The following LCLAT1 variants were observed in gnomAD, a reference collection of about 807,000 sequenced individuals.
The protein encoded by LCLAT1 is lysocardiolipin acyltransferase 1, also known as 1-AGP acyltransferase 8.
Under a neutral mutation model 30.7 loss-of-function variants are expected in LCLAT1, and 11 were observed. That is an observed-to-expected ratio of 0.36 (90% CI 0.23 to 0.59). The LOEUF (loss-of-function observed/expected upper bound fraction) is 0.59. LCLAT1 is among the 20% of genes least tolerant of loss of function. LCLAT1 has a pLI of 0.77. For synonymous variants in LCLAT1, 155 were observed against 151.3 expected, an observed-to-expected ratio of 1.02 and a Z score of -0.18; for missense variants, 402 against 458.6, an observed-to-expected ratio of 0.88 and a Z score of 1.13.
At chr2:30,470,199 A>G (rs544679019) in intron 1 of LCLAT1, among the ~76,000 whole-genome samples, 1 of 152,268 alleles carries the variant, frequency 6.6e-6, no homozygotes, top group African/African-American at 2.4e-5. Context: ...AGGTCTGAAA[A>G]ATACCTCAAG....
rs1262161414 is a variant in LCLAT1, at chr2:30,493,379, AC to A, written c.-4-32207del. Among the ~76,000 whole-genome samples the A allele has an allele frequency of 5.9e-5, 9 of 152,262 alleles. No homozygotes were observed. The East Asian group carries it at 1.7e-3, about 29-fold the overall frequency. The stretch of plus-strand genomic sequence containing the variant: ...ATTGGCAACTGTTTCATGAGAATGT[AC>A]ATAAAAAACTGAACAATCAAAGGAC... On this transcript the variant is annotated intron_variant, in intron 1 of 5. Transcript: ENST00000379509.
intron 5 of LCLAT1, among the ~76,000 whole-genome samples, chr2:30,583,645 A>C: frequency 6.6e-6 from 1 of 152,196 alleles, no homozygotes; most frequent in Non-Finnish European, 1.5e-5. Flanking sequence ...TGGCCAGTGT[A>C]TTATATTAAG....
chr2:30,479,284 C>T (rs1334235839), intron 1 of LCLAT1, among the ~76,000 whole-genome samples: 1 of 151,768 alleles, frequency 6.6e-6, no homozygotes, highest in Non-Finnish European at 1.5e-5. Context: ...GGCTGGACTA[C>T]AGTGGTGTGA....
intron 4 of LCLAT1, among the ~76,000 whole-genome samples, chr2:30,563,407 A>T (rs1470039024): frequency 6.6e-6 from 1 of 152,124 alleles, no homozygotes; most frequent in East Asian, 1.9e-4. Context: ...TGATACTGGG[A>T]GGGGTGATGG....
At chr2:30,623,163 C>T (rs1339023400) in intron 5 of LCLAT1, among the ~76,000 whole-genome samples, 1 of 149,852 alleles carries the variant, frequency 6.7e-6, no homozygotes, top group African/African-American at 2.5e-5. Flanking sequence ...ATGCCATTCT[C>T]CTGCCTCAGC....
intron 5 of LCLAT1, among the ~76,000 whole-genome samples, chr2:30,574,115 C>A (rs1454935839): frequency 6.6e-6 from 1 of 151,858 alleles, no homozygotes; most frequent in Non-Finnish European, 1.5e-5. Flanking sequence ...ATACTCCAGC[C>A]TGGGTAACAG....
chr2:30,551,242 C>T (rs1253032389), intron 3 of LCLAT1, among the ~76,000 whole-genome samples: 9 of 152,160 alleles, frequency 5.9e-5, no homozygotes, highest in African/African-American at 9.7e-5. Context: ...CCTGGGCTCA[C>T]GCCAACCTCC....
At chr2:30,458,135 A>G (rs1681926778) in intron 1 of LCLAT1, among the ~76,000 whole-genome samples, 2 of 152,150 alleles carry the variant, frequency 1.3e-5, no homozygotes, top group Admixed American at 1.3e-4. Flanking sequence ...GTAGCTGACA[A>G]TAGTTGCTTT....
chr2:30,495,118 C>A (rs1684042666), intron 1 of LCLAT1, among the ~76,000 whole-genome samples: 1 of 151,984 alleles, frequency 6.6e-6, no homozygotes, highest in Non-Finnish European at 1.5e-5. Flanking sequence ...ACACAGTGTT[C>A]TGATATATAA....
intron 1 of LCLAT1, among the ~76,000 whole-genome samples, chr2:30,517,181 C>T (rs1685222465): frequency 6.6e-6 from 1 of 152,178 alleles, no homozygotes; most frequent in South Asian, 2.1e-4. Context: ...CCAGTCCCTG[C>T]CTCCTAGGTA....
chr2:30,558,467 G>C (rs933782563), intron 3 of LCLAT1, among the ~76,000 whole-genome samples: 1 of 152,040 alleles, frequency 6.6e-6, no homozygotes, highest in Admixed American at 6.6e-5. Flanking sequence ...GGGCATGGTG[G>C]CATGTGCCTG....
In LCLAT1 at chr2:30,486,917, C is replaced by T. The variant is rs1348161579; in HGVS notation, c.-4-38670C>T. Among the ~76,000 whole-genome samples the T allele has an allele frequency of 4.6e-5, 7 of 152,158 alleles. No homozygotes were observed. In the East Asian group the frequency reaches 1.4e-3, roughly 29 times the overall value. On this transcript the variant is annotated intron_variant, in intron 1 of 5. Coordinates refer to ENST00000379509, the MANE Select transcript of LCLAT1 (RefSeq NM_001002257.3). ...GCAAGAAGCAAATTACTGTGTTAAG[C>T]CATTATGTGTTTGGTGCTATTGGTT...
At chr2:30,479,031 A>G (rs1249582115) in intron 1 of LCLAT1, among the ~76,000 whole-genome samples, 1 of 152,180 alleles carries the variant, frequency 6.6e-6, no homozygotes, top group African/African-American at 2.4e-5. Context: ...CATTATTCAT[A>G]TAGCTCAAAC....
At chr2:30,606,031 A>T (rs1187215144) in intron 5 of LCLAT1, 2 of 1,299,018 alleles carry the variant, frequency 1.5e-6, no homozygotes, top group East Asian at 1.1e-4. Flanking sequence ...AGGCAGAGCG[A>T]GGGAAGTAAA....
chr2:30,563,114 G>C (rs1665319735), intron 4 of LCLAT1, among the ~76,000 whole-genome samples: 1 of 151,538 alleles, frequency 6.6e-6, no homozygotes, highest in South Asian at 2.1e-4. Context: ...CATGATCATG[G>C]TTCACTACAG....
At chr2:30,512,980 G>T (rs1685012792) in intron 1 of LCLAT1, among the ~76,000 whole-genome samples, 1 of 152,058 alleles carries the variant, frequency 6.6e-6, no homozygotes, top group Non-Finnish European at 1.5e-5. Context: ...GCACATTTCT[G>T]TCTTGACAAG....
chr2:30,529,061 A>T (rs1685870452), intron 2 of LCLAT1, among the ~76,000 whole-genome samples: 1 of 152,190 alleles, frequency 6.6e-6, no homozygotes, highest in African/African-American at 2.4e-5. Context: ...AGTGAATTTA[A>T]TCTAAAAGCT....
Position 30,512,900 on chromosome 2 carries a change from A to G in LCLAT1, c.-4-12687A>G, listed in dbSNP as rs138963317. Among the ~76,000 whole-genome samples the G allele has an allele frequency of 1.8e-3, 280 of 152,206 alleles. 1 individual carries two copies. The highest frequency in any genetic ancestry group is 3.4e-3 in the Middle Eastern group (1 of 292). On this transcript the variant is annotated intron_variant, in intron 1 of 5. Transcript: ENST00000379509. ...TACTTACATGAACAATGTTGTATCC[A>G]TTTCTCTGTGTACTCCTATAAATAT...
chr2:30,568,066 G>A lies in LCLAT1; in HGVS notation c.518G>A (p.Ser173Asn), dbSNP rs563011681. Residue 173 changes from serine (S) to asparagine (N), a missense_variant, in exon 5 of 6, where the codon AGC (serine) becomes AAC (asparagine). Physicochemically the swap from Ser to Asn is conservative, Grantham distance 46 (BLOSUM62 1). Coordinates refer to ENST00000379509, the MANE Select transcript of LCLAT1 (RefSeq NM_001002257.3). ...FPEGTDLTENSKSRSNAFAEK... is the reference protein window; with the variant it reads ...FPEGTDLTENNKSRSNAFAEK... ...GGTCCATTGTTTTGTTTAGAAAACA[G>A]CAAGTCTCGAAGTAATGCATTTGCT... The A allele has an allele frequency of 2.6e-6, 4 of 1,529,304 alleles. No homozygotes were observed. The East Asian group carries it at 9.1e-5, about 35-fold the overall frequency. The allele number at this position is 1,529,304 out of a possible 1,614,324, so 94.7% of individuals were successfully genotyped here.
Sources: allele counts gnomAD v4.1 joint callset (sites outside exome capture counted in the v4.1 genomes callset), GRCh38; gene constraint gnomAD v4.1.1; transcripts MANE v1.5; gene names NCBI Gene and HGNC (gene_info 2026-07-23, HGNC 2026-07-21).